TRAK2: variants seen among roughly 807,000 people sequenced by gnomAD.
TRAK2 encodes the protein trafficking kinesin-binding protein 2.
TRAK2 carries 81 observed loss-of-function variants against 104.6 expected under a neutral mutation model. That is an observed-to-expected ratio of 0.77 (90% CI 0.65 to 0.93). The LOEUF is 0.93. Among genes scored for constraint, TRAK2 ranks in the 40% least tolerant of loss-of-function variants. The probability of loss-of-function intolerance (pLI) is 0.00; values close to 1 mark genes in which losing one functional copy is unlikely to be tolerated. For synonymous variants in TRAK2, 406 were observed against 394.4 expected, an observed-to-expected ratio of 1.03 and a Z score of -0.35; for missense variants, 1,002 against 1,089.0, an observed-to-expected ratio of 0.92 and a Z score of 1.12.
rs765433316 is a variant in TRAK2, at chr2:201,398,097, C to T, written c.690+48G>A. The T allele has an allele frequency of 8.4e-5, 132 of 1,578,182 alleles. 2 individuals are homozygous for T. In the South Asian group the frequency reaches 1.4e-3, roughly 16 times the overall value. On this transcript the variant is annotated intron_variant, in intron 6 of 15. Coordinates refer to ENST00000332624, the MANE Select transcript of TRAK2 (RefSeq NM_015049.3). ...CACCTCAATAGTACCTGGACCTGAA[C>T]TTTATAGCCTTTAAAGTAAAGGAAA...
Position 201,412,151 on chromosome 2 carries a change from G to A in TRAK2, c.92-4554C>T, listed in dbSNP as rs1279604850. 3.0e-6 allele frequency: 3 copies of A among 998,130 alleles called. No individual in the cohort carries two copies. In the African/African-American group the frequency reaches 4.7e-5, roughly 16 times the overall value. The allele number at this position is 998,130 out of a possible 1,614,324, so 61.8% of individuals were successfully genotyped here. A position where few individuals can be genotyped will look rare whatever the true frequency, so the allele number is the denominator to read the frequency against. On this transcript the variant is annotated intron_variant, in intron 2 of 15. Coordinates refer to ENST00000332624, the MANE Select transcript of TRAK2 (RefSeq NM_015049.3). ...TTCCTCAACGATCAGTAGAACACTG[G>A]GCAAAACAAAAGGTACCATGTCAGG...
Position 201,381,199 on chromosome 2 carries a change from A to G in TRAK2, c.2089T>C (p.Ser697Pro), listed in dbSNP as rs1576501857. ...VTPSSGFPSL[S>P]CGSSGSSSSN... ...GAACTGCTACCGCTACTTCCACAGGATAATGAAGGGAACCCAGAGCTTAAA... is the reference window on the plus strand; with the variant it reads ...GAACTGCTACCGCTACTTCCACAGGGTAATGAAGGGAACCCAGAGCTTAAA... The change falls in exon 16 of 16, where the codon TCC becomes CCC. Residue 697 changes from serine to proline, a missense_variant. Coordinates refer to ENST00000332624, the MANE Select transcript of TRAK2 (RefSeq NM_015049.3). The G allele has an allele frequency of 1.2e-6, 2 of 1,606,150 alleles. No homozygotes were observed. Among genetic ancestry groups the G allele is most frequent in the African/African-American group, 1.3e-5 (1 of 74,304 alleles).
intron 1 of TRAK2, among the ~76,000 whole-genome samples, chr2:201,424,604 GT>G (rs550448300): frequency 2.1e-5 from 3 of 144,446 alleles, no homozygotes; most frequent in African/African-American, 5.1e-5. Context: ...GTTTGTTTTT[GT>G]TTTTTTTTTG....
At chr2:201,411,670 AT>A in intron 2 of TRAK2, 1 of 793,308 alleles carries the variant, frequency 1.3e-6, no homozygotes, top group Non-Finnish European at 2.3e-6. Context: ...GTAAAAGTAC[AT>A]TTGTAAATGC....
chr2:201,449,648 CTAATT>C (rs1435725416), intron 1 of TRAK2, among the ~76,000 whole-genome samples: 2 of 148,708 alleles, frequency 1.3e-5, no homozygotes, highest in Non-Finnish European at 3.0e-5. Context: ...CCATGCCTGG[CTAATT>C]TTTTTTTTTT....
In TRAK2 at chr2:201,399,398, T is replaced by C. The variant is rs201418260; in HGVS notation, c.459A>G (p.Gln153=). The part of the protein sequence containing the change: ...LSEQNESLEE[Q]LGQAFDQVNQ... ...TTACTTGATCAAAGGCTTGTCCCAA[T>C]TGCTCCTCCAGGGATTCGTTCTGCT... The change falls in exon 5 of 16, where the codon CAA becomes CAG. Residue 153 remains glutamine, a synonymous_variant. Coordinates refer to ENST00000332624, the MANE Select transcript of TRAK2 (RefSeq NM_015049.3). 1.4e-5 allele frequency: 22 copies of C among 1,611,288 alleles called. No individual in the cohort carries two copies. The East Asian group carries it at 3.1e-4, about 23-fold the overall frequency.
intron 14 of TRAK2, 67 bp downstream of exon 14, chr2:201,386,151 G>A: frequency 1.9e-6 from 3 of 1,563,326 alleles, no homozygotes; most frequent in Non-Finnish European, 2.6e-6. Context: ...CCAGCTGACT[G>A]TCTAGTAAGT....
intron 1 of TRAK2, 59 bp downstream of exon 1, chr2:201,451,291 C>A (rs1376318068): frequency 6.6e-6 from 1 of 152,280 alleles, no homozygotes; most frequent in Non-Finnish European, 1.5e-5. Context: ...GGAGGTCCCT[C>A]CGCTTTCCGG....
intron 15 of TRAK2, among the ~76,000 whole-genome samples, chr2:201,383,767 G>GA (rs1951364513): frequency 6.6e-6 from 1 of 152,178 alleles, no homozygotes; most frequent in East Asian, 1.9e-4. Flanking sequence ...GGTGTTGTCA[G>GA]AAGTGAAGGT....
At chr2:201,427,582 T>G (rs537873260) in intron 1 of TRAK2, among the ~76,000 whole-genome samples, 75 of 152,342 alleles carry the variant, frequency 4.9e-4, no homozygotes, top group African/African-American at 1.8e-3. Context: ...TGATAGACAT[T>G]TGGGTTGGTT....
At chr2:201,386,051 T>C (rs1951386733) in intron 14 of TRAK2, among the ~76,000 whole-genome samples, 167 bp downstream of exon 14, 1 of 152,216 alleles carries the variant, frequency 6.6e-6, no homozygotes, top group Non-Finnish European at 1.5e-5. Context: ...CTGGCTAAGA[T>C]AAAGTGGAGA....
chr2:201,398,332 A>G lies in TRAK2; in HGVS notation c.503T>C (p.Leu168Pro). The G allele has an allele frequency of 6.2e-7, 1 of 1,613,516 alleles. No individual in the cohort carries two copies. The highest frequency in any genetic ancestry group is 1.1e-5 in the South Asian group (1 of 91,048). ...TCGAAGTAACTCATCTTTCTTGCAT[A>G]GCTCATGCTGCAGCTGATTAACCTG... ...FDQVNQLQHE[L>P]CKKDELLRIV... Residue 168 changes from leucine (L) to proline (P), a missense_variant, in exon 6 of 16, where the codon CTA (leucine) becomes CCA (proline). Transcript: ENST00000332624.
chr2:201,414,792 C>A (rs1951677793), intron 2 of TRAK2, among the ~76,000 whole-genome samples: 3 of 151,934 alleles, frequency 2.0e-5, no homozygotes, highest in Non-Finnish European at 2.9e-5. Context: ...GAGAAGTTGA[C>A]TATAAATACA....
chr2:201,413,848 G>A (rs1399161834), intron 2 of TRAK2, among the ~76,000 whole-genome samples: 1 of 152,142 alleles, frequency 6.6e-6, no homozygotes, highest in Non-Finnish European at 1.5e-5. Context: ...TACAGTATTA[G>A]TCCTACATAT....
intron 2 of TRAK2, chr2:201,419,093 G>A (rs928385775): frequency 6.6e-5 from 10 of 152,124 alleles, no homozygotes; most frequent in Non-Finnish European, 1.3e-4. Flanking sequence ...TCTAGATATG[G>A]TCAGTAAGCA....
At chr2:201,397,841 A>T in intron 6 of TRAK2, 1 of 555,476 alleles carries the variant, frequency 1.8e-6, no homozygotes, top group Non-Finnish European at 3.2e-6. Context: ...TCACAGTTGT[A>T]ACTACTTAGT....
chr2:201,383,960 G>GA (rs1951365744), intron 15 of TRAK2, 151 bp downstream of exon 15: 1 of 611,162 alleles, frequency 1.6e-6, no homozygotes, highest in Non-Finnish European at 2.9e-6. Context: ...AATCAAATGA[G>GA]AAAATGCAAT....
At position 201,380,860 on chromosome 2, in the gene TRAK2, T is replaced by C. The variant is rs113562727; in HGVS notation, c.2428A>G (p.Thr810Ala). 1 of 1,613,920 alleles carries C rather than the reference T, an allele frequency of 6.2e-7. No individual in the cohort carries two copies. Among genetic ancestry groups the C allele is most frequent in the Non-Finnish European group, 8.5e-7 (1 of 1,179,942 alleles). Residue 810 changes from threonine (T) to alanine (A), a missense_variant, in exon 16 of 16, where the codon ACA (threonine) becomes GCA (alanine). Thr to Ala is a moderately conservative substitution (Grantham distance 58, BLOSUM62 0). Transcript: ENST00000332624. The stretch of plus-strand genomic sequence containing the variant: ...AAGCCATACATCTCCTGGAGGAATG[T>C]CTCAGCTGGTCGAGAGGCCAAAAAA... ...ENFLASRPAE[T>A]FLQEMYGLRP... is the part of the protein sequence containing the mutation.
chr2:201,391,653 A>G (rs1465030936), intron 10 of TRAK2, among the ~76,000 whole-genome samples: 1 of 152,222 alleles, frequency 6.6e-6, no homozygotes, highest in African/African-American at 2.4e-5. Flanking sequence ...TTTACAGTGG[A>G]AAAAACCAGC....
Sources: gnomAD v4.1 joint callset for allele counts (sites outside exome capture counted in the v4.1 genomes callset) on GRCh38, gnomAD v4.1.1 for gene constraint, MANE v1.5 for transcripts, NCBI Gene and HGNC (gene_info 2026-07-23, HGNC 2026-07-21) for gene names.